DYNC2I1: variants seen among roughly 807,000 people sequenced by gnomAD.
DYNC2I1 encodes cytoplasmic dynein 2 intermediate chain 1.
A neutral mutation model predicts 133.4 loss-of-function variants in DYNC2I1; 89 were observed. The ratio of observed to expected loss-of-function variants is 0.67; its 90% CI spans 0.56 to 0.80. DYNC2I1 has a LOEUF of 0.80. Among genes scored for constraint, DYNC2I1 ranks in the 30% least tolerant of loss-of-function variants. The pLI is 0.00. For missense variants in DYNC2I1, 1,291 were observed against 1,314.5 expected (o/e 0.98, Z 0.28); for synonymous variants, 504 against 484.3 (o/e 1.04, Z -0.54).
intron 3 of DYNC2I1, among the ~76,000 whole-genome samples, chr7:158,876,054 C>T (rs1584993852): frequency 2.0e-5 from 3 of 152,154 alleles, no homozygotes; most frequent in African/African-American, 7.2e-5. Context: ...ACACCTGGGG[C>T]TGGAGAATTT....
intron 1 of DYNC2I1, among the ~76,000 whole-genome samples, chr7:158,856,958 C>G (rs895650236): frequency 1.3e-5 from 2 of 152,036 alleles, no homozygotes; most frequent in African/African-American, 4.8e-5. Flanking sequence ...GGACGCCGGG[C>G]TCCCGGCGGT....
chr7:158,854,134 C>G (rs1841115728), upstream of DYNC2I1, among the ~76,000 whole-genome samples: 1 of 152,068 alleles, frequency 6.6e-6, no homozygotes, highest in Non-Finnish European at 1.5e-5. Flanking sequence ...GGTCACAAGA[C>G]CAGATGAGCC....
chr7:158,918,127 A>T (rs142950596), intron 14 of DYNC2I1, among the ~76,000 whole-genome samples: 2 of 152,050 alleles, frequency 1.3e-5, no homozygotes, highest in African/African-American at 4.8e-5. Context: ...TTCCCGGGTC[A>T]TGTCAGTTCC....
intron 1 of DYNC2I1, among the ~76,000 whole-genome samples, chr7:158,868,467 A>G (rs1472251844): frequency 6.6e-6 from 1 of 152,212 alleles, no homozygotes; most frequent in East Asian, 1.9e-4. Flanking sequence ...AGGAACAAAC[A>G]CTTTCGCAGT....
intron 4 of DYNC2I1, among the ~76,000 whole-genome samples, chr7:158,878,100 T>C (rs1228081835): frequency 1.6e-4 from 19 of 119,476 alleles, no homozygotes; most frequent in South Asian, 1.2e-3. Context: ...CAGTGAGTGC[T>C]GGGCATCATG....
chr7:158,921,019 C>T (rs191265186), intron 15 of DYNC2I1, among the ~76,000 whole-genome samples: 22 of 152,308 alleles, frequency 1.4e-4, no homozygotes, highest in African/African-American at 3.4e-4. Context: ...TGGGCACTGT[C>T]GGGGAGCTGC....
Position 158,905,976 on chromosome 7 carries a change from C to G in DYNC2I1, c.1358-13C>G, listed in dbSNP as rs906706611. On this transcript the variant is annotated splice_polypyrimidine_tract_variant and intron_variant, in intron 10 of 24. Coordinates refer to ENST00000407559, the MANE Select transcript of DYNC2I1 (RefSeq NM_018051.5). ...TCCGTGTTGGAAAAATAGTGTTTTT[C>G]TCCCTCACACAGATACAAACAGTTC... is the stretch of plus-strand genomic sequence containing the variant. 14 of 1,597,648 alleles carry G rather than the reference C, an allele frequency of 8.8e-6. No individual in the cohort carries two copies. The South Asian group carries it at 1.0e-4, about 12-fold the overall frequency.
intron 18 of DYNC2I1, 48 bp from the exon 19 acceptor site, chr7:158,926,354 T>A: frequency 6.2e-7 from 1 of 1,601,116 alleles, no homozygotes; most frequent in Non-Finnish European, 8.5e-7. Flanking sequence ...TGAAATATGG[T>A]TTCCTTATTT....
intron 24 of DYNC2I1, among the ~76,000 whole-genome samples, chr7:158,943,592 C>A (rs982119472): frequency 1.3e-5 from 2 of 152,196 alleles, no homozygotes; most frequent in Non-Finnish European, 2.9e-5. Flanking sequence ...GCGGGTAGCA[C>A]ACCCCAAGGT....
chr7:158,952,403 G>T (rs141360373), intron 4 of DYNC2I1, among the ~76,000 whole-genome samples: 1 of 152,264 alleles, frequency 6.6e-6, no homozygotes, highest in African/African-American at 2.4e-5. Context: ...CTTCTCCATG[G>T]CTAAGGGGGT....
intron 24 of DYNC2I1, among the ~76,000 whole-genome samples, chr7:158,944,508 A>G (rs185367582): frequency 1.8e-4 from 28 of 152,290 alleles, no homozygotes; most frequent in Admixed American, 1.7e-3. Context: ...TACACACGCA[A>G]TTGAATAGCA....
upstream of DYNC2I1, among the ~76,000 whole-genome samples, chr7:158,853,010 T>C (rs1841091376): frequency 6.6e-6 from 1 of 152,238 alleles, no homozygotes; most frequent in South Asian, 2.1e-4. Flanking sequence ...TCTGTGTCCA[T>C]TCCCATTTGG....
chr7:158,880,913 A>G (rs2657360), intron 5 of DYNC2I1, among the ~76,000 whole-genome samples: 72,801 of 151,986 alleles, frequency 0.48, 18,975 homozygotes, highest in East Asian at 0.72. Flanking sequence ...TCTTTGCAAG[A>G]GTCAGGTGGT....
chr7:158,853,716 G>A (rs56950875), upstream of DYNC2I1, among the ~76,000 whole-genome samples: 16,297 of 150,424 alleles, frequency 0.11, 1,875 homozygotes, highest in African/African-American at 0.28. Context: ...GTGCAGTGGC[G>A]CGATCTTGGC....
chr7:158,876,535 A>G (rs1843372659), intron 3 of DYNC2I1, 74 bp from the exon 4 acceptor site: 1 of 1,487,580 alleles, frequency 6.7e-7, no homozygotes, highest in African/African-American at 1.4e-5. Flanking sequence ...AATACCATCC[A>G]TAGCAAGATG....
At chr7:158,927,807 C>T (rs1163711211) in intron 20 of DYNC2I1, among the ~76,000 whole-genome samples, 2 of 152,200 alleles carry the variant, frequency 1.3e-5, no homozygotes, top group African/African-American at 2.4e-5. Context: ...CCACCTCAGC[C>T]TCCCATAGTG....
chr7:158,883,724 C>T (rs1412864157), intron 5 of DYNC2I1, among the ~76,000 whole-genome samples: 4 of 130,122 alleles, frequency 3.1e-5, no homozygotes, highest in Admixed American at 9.1e-5. Context: ...AGTGCATTGG[C>T]GCAATCTCGG....
chr7:158,911,798 A>G, intron 12 of DYNC2I1, 119 bp downstream of exon 12: 1 of 1,306,688 alleles, frequency 7.7e-7, no homozygotes, highest in Non-Finnish European at 1.0e-6. Flanking sequence ...TGTGAAGGAT[A>G]CAAGCTTAGG....
chr7:158,911,794 G>A, intron 12 of DYNC2I1, 115 bp downstream of exon 12: 2 of 1,325,562 alleles, frequency 1.5e-6, no homozygotes, highest in South Asian at 3.1e-5. Flanking sequence ...GGTCTGTGAA[G>A]GATACAAGCT....
Sources: allele counts gnomAD v4.1 joint callset (sites outside exome capture counted in the v4.1 genomes callset), GRCh38; gene constraint gnomAD v4.1.1; transcripts MANE v1.5; gene names NCBI Gene and HGNC (gene_info 2026-07-23, HGNC 2026-07-21).